Variants in DNAH14 observed in about 807,000 individuals in gnomAD.
The protein encoded by DNAH14 is axonemal beta dynein heavy chain 14.
Under a neutral mutation model 520.9 loss-of-function variants are expected in DNAH14, and 478 were observed. The ratio of observed to expected loss-of-function variants is 0.92; its 90% CI spans 0.85 to 0.99. The LOEUF is 0.99. DNAH14 is among the 50% of genes least tolerant of loss of function. The pLI, the probability that DNAH14 is intolerant of heterozygous loss-of-function variation, is 0.00. For synonymous variants in DNAH14, 1,581 were observed against 1,757.2 expected (o/e 0.90, Z 2.51); for missense variants, 4,831 against 5,234.5 (o/e 0.92, Z 2.38).
At chr1:225,351,600 G>C in intron 71 of DNAH14, 47 bp from the exon 72 acceptor site, 1 of 1,383,118 alleles carries the variant, frequency 7.2e-7, no homozygotes, top group Non-Finnish European at 9.7e-7. Context: ...TAACTAAAAG[G>C]TAAAGGTTTA....
chr1:225,092,838 G>C (rs564700102), intron 21 of DNAH14, among the ~76,000 whole-genome samples: 21 of 151,982 alleles, frequency 1.4e-4, no homozygotes, highest in Non-Finnish European at 2.8e-4. Context: ...TGACAAAGGG[G>C]ACATTGCCAC....
intron 1 of DNAH14, among the ~76,000 whole-genome samples, chr1:224,934,730 A>G (rs184864075): frequency 1.3e-5 from 2 of 152,046 alleles, no homozygotes; most frequent in African/African-American, 2.4e-5. Flanking sequence ...ACGGCACATT[A>G]TGATCAGACT....
At position 225,192,766 on chromosome 1, in the gene DNAH14, A is replaced by T; in HGVS notation, c.5741A>T (p.Tyr1914Phe). 6.5e-7 allele frequency: 1 copy of T among 1,550,262 alleles called. No homozygotes were observed. Among genetic ancestry groups the T allele is most frequent in the Non-Finnish European group, 8.7e-7 (1 of 1,146,056 alleles). ...AAGTGTGTCACTCTCAGTGAACTAT[A>T]TGGACAACTGGATCCTAATACTATG... ...NPKCVTLSELYGQLDPNTMEW... is the reference protein window; with the variant it reads ...NPKCVTLSELFGQLDPNTMEW... Residue 1914 changes from tyrosine to phenylalanine, a missense_variant, in exon 38 of 86, where the codon TAT becomes TTT. By Grantham distance (22) the Tyr-to-Phe change is conservative. Coordinates refer to ENST00000682510, the MANE Select transcript of DNAH14 (RefSeq NM_001367479.1).
intron 54 of DNAH14, among the ~76,000 whole-genome samples, chr1:225,289,226 G>T (rs1184635139): frequency 6.6e-6 from 1 of 152,090 alleles, no homozygotes; most frequent in Non-Finnish European, 1.5e-5. Context: ...TCATTTATAT[G>T]AAATGCCAAA....
At chr1:225,292,623 A>G (rs1436267081) in intron 55 of DNAH14, among the ~76,000 whole-genome samples, 2 of 152,028 alleles carry the variant, frequency 1.3e-5, no homozygotes, top group Non-Finnish European at 2.9e-5. Flanking sequence ...ATTTTTTTCT[A>G]TTTCTGTGAA....
chr1:225,369,925 G>A (rs1490510213), intron 77 of DNAH14, among the ~76,000 whole-genome samples: 2 of 152,094 alleles, frequency 1.3e-5, no homozygotes, highest in African/African-American at 2.4e-5. Flanking sequence ...GTGGCTCACA[G>A]CTGTAATCTC....
chr1:225,201,464 G>T (rs2086812688), intron 38 of DNAH14, among the ~76,000 whole-genome samples: 1 of 152,102 alleles, frequency 6.6e-6, no homozygotes, highest in East Asian at 1.9e-4. Flanking sequence ...AACAGAGTTG[G>T]TTTTCTGGTT....
intron 84 of DNAH14, among the ~76,000 whole-genome samples, chr1:225,394,982 T>C (rs991418138): frequency 3.3e-5 from 5 of 152,192 alleles, no homozygotes; most frequent in Admixed American, 1.3e-4. Flanking sequence ...AACTTTGTCA[T>C]AGATCAAATA....
chr1:225,179,589 T>G (rs2083733241), intron 36 of DNAH14, among the ~76,000 whole-genome samples: 1 of 152,226 alleles, frequency 6.6e-6, no homozygotes, highest in Non-Finnish European at 1.5e-5. Flanking sequence ...TTGTTTTAGT[T>G]ATTATTTTTG....
intron 47 of DNAH14, among the ~76,000 whole-genome samples, chr1:225,264,764 G>C (rs1239924283): frequency 6.6e-6 from 1 of 152,102 alleles, no homozygotes; most frequent in African/African-American, 2.4e-5. Flanking sequence ...TGTAGAAAGG[G>C]GAAGGATGCC....
intron 23 of DNAH14, among the ~76,000 whole-genome samples, chr1:225,103,272 A>G (rs938117396): frequency 6.6e-6 from 1 of 152,178 alleles, no homozygotes; most frequent in African/African-American, 2.4e-5. Context: ...TATCAGTACC[A>G]TGCTGTTTTG....
chr1:225,139,821 C>T (rs2079269495), intron 27 of DNAH14, among the ~76,000 whole-genome samples: 1 of 152,206 alleles, frequency 6.6e-6, no homozygotes, highest in Non-Finnish European at 1.5e-5. Context: ...CCAGACTCTG[C>T]CGTGACATGG....
At chr1:225,116,420 G>A (rs576547103) in intron 23 of DNAH14, among the ~76,000 whole-genome samples, 2 of 152,296 alleles carry the variant, frequency 1.3e-5, no homozygotes, top group East Asian at 1.9e-4. Context: ...AGGCCATGAG[G>A]AAGATGAAAG....
At chr1:225,266,347 C>G (rs2093117504) in intron 48 of DNAH14, among the ~76,000 whole-genome samples, 1 of 152,034 alleles carries the variant, frequency 6.6e-6, no homozygotes, top group Admixed American at 6.6e-5. Context: ...TTGCTTTATC[C>G]AGCATCAAAT....
intron 42 of DNAH14, 145 bp from the exon 43 acceptor site, chr1:225,240,448 A>G (rs1463605815): frequency 9.8e-6 from 5 of 511,228 alleles, no homozygotes; most frequent in African/African-American, 5.8e-5. Context: ...AAAAATTTAC[A>G]TAAACTCTGA....
intron 81 of DNAH14, among the ~76,000 whole-genome samples, chr1:225,385,563 C>T (rs1404290409): frequency 6.6e-6 from 1 of 152,172 alleles, no homozygotes; most frequent in Non-Finnish European, 1.5e-5. Flanking sequence ...GCAAAAATCA[C>T]AAGCATTCCT....
intron 8 of DNAH14, among the ~76,000 whole-genome samples, chr1:225,001,718 C>T (rs905433057): frequency 1.3e-5 from 2 of 152,064 alleles, no homozygotes; most frequent in Admixed American, 6.6e-5. Context: ...TTTATTATTA[C>T]CTAAATTTTG....
intron 17 of DNAH14, among the ~76,000 whole-genome samples, chr1:225,074,886 G>C (rs2072054906): frequency 6.6e-6 from 1 of 152,224 alleles, no homozygotes; most frequent in East Asian, 1.9e-4. Flanking sequence ...GCCACTGGAT[G>C]TTATCCTGTG....
At chr1:225,050,467 G>T in intron 16 of DNAH14, 91 bp downstream of exon 16, 1 of 1,334,838 alleles carries the variant, frequency 7.5e-7, no homozygotes, top group Non-Finnish European at 1.0e-6. Flanking sequence ...AAAAATTAGG[G>T]TATCCTATTC....
Sources: gnomAD v4.1 joint callset for allele counts (sites outside exome capture counted in the v4.1 genomes callset) on GRCh38, gnomAD v4.1.1 for gene constraint, MANE v1.5 for transcripts, NCBI Gene and HGNC (gene_info 2026-07-23, HGNC 2026-07-21) for gene names.